PTTG1IP2: variants seen among roughly 807,000 people sequenced by gnomAD.
PTTG1IP2 encodes PTTG1IP family member 2.
rs574632578 is a variant in PTTG1IP2 at position 90,478,213 on chromosome 7, A to C, written c.146-1015A>C. Among the ~76,000 whole-genome samples, 4 of 152,308 alleles carry C rather than the reference A, an allele frequency of 2.6e-5. No homozygotes were observed. In the South Asian group the frequency reaches 6.2e-4, roughly 24 times the overall value. On this transcript the variant is annotated intron_variant, in intron 1 of 6. Coordinates refer to ENST00000509356, the MANE Select transcript of PTTG1IP2 (RefSeq NM_001365443.2). ...TGTAAATCTGAAATTATACAAAAAT[A>C]AAAACTTTAGTTTACAAAAAAGCTG...
intron 1 of PTTG1IP2, chr7:90,470,212 T>G (rs959992302): frequency 3.9e-5 from 6 of 152,222 alleles, no homozygotes; most frequent in Non-Finnish European, 5.9e-5. Context: ...CTATGACATA[T>G]AAGCTTTTTG....
At chr7:90,498,985 A>G (rs1395054392) in intron 6 of PTTG1IP2, among the ~76,000 whole-genome samples, 2 of 152,056 alleles carry the variant, frequency 1.3e-5, no homozygotes, top group Non-Finnish European at 2.9e-5. Flanking sequence ...TCAAGTATCC[A>G]AGCCTACAGA....
At chr7:90,499,112 A>G (rs1180726605) in intron 6 of PTTG1IP2, among the ~76,000 whole-genome samples, 3 of 152,196 alleles carry the variant, frequency 2.0e-5, no homozygotes, top group African/African-American at 7.2e-5. Flanking sequence ...TCAGCGTCCC[A>G]AAGTGCTGGA....
intron 6 of PTTG1IP2, among the ~76,000 whole-genome samples, chr7:90,496,038 G>A (rs1280028099): frequency 6.6e-6 from 1 of 152,174 alleles, no homozygotes; most frequent in Admixed American, 6.5e-5. Flanking sequence ...CTCTTAATGT[G>A]ATGCTGAATT....
rs181915632 is a variant in PTTG1IP2, at chr7:90,481,298, G to A, written c.192+2024G>A. ...ATGCATACACCCTCTTATTTTTAACGGCACTGGACCCACATTCCGCAACTC... is the reference window on the plus strand; with the variant it reads ...ATGCATACACCCTCTTATTTTTAACAGCACTGGACCCACATTCCGCAACTC... On this transcript the variant is annotated intron_variant, in intron 2 of 6. Transcript: ENST00000509356. Among the ~76,000 whole-genome samples the A allele has an allele frequency of 6.2e-4, 95 of 152,072 alleles. 3 individuals are homozygous for A. The highest frequency in any genetic ancestry group is 5.8e-3 in the Admixed American group (89 of 15,252).
At chr7:90,496,110 A>G (rs1339797030) in intron 6 of PTTG1IP2, among the ~76,000 whole-genome samples, 1 of 152,110 alleles carries the variant, frequency 6.6e-6, no homozygotes, top group Non-Finnish European at 1.5e-5. Flanking sequence ...TTAGCCCGCA[A>G]TTTTCTTTTC....
chr7:90,478,490 ACATCAGATCTG>A (rs1211683086), intron 1 of PTTG1IP2, among the ~76,000 whole-genome samples: 2 of 152,318 alleles, frequency 1.3e-5, no homozygotes, highest in African/African-American at 4.8e-5. Flanking sequence ...TTCCCCAGCC[ACATCAGATCTG>A]CATCCAATCA....
intron 6 of PTTG1IP2, among the ~76,000 whole-genome samples, chr7:90,497,102 T>TA (rs933379790): frequency 2.6e-5 from 4 of 152,210 alleles, no homozygotes; most frequent in Non-Finnish European, 4.4e-5. Context: ...TTTTGTGGCC[T>TA]AACATATGGT....
At chr7:90,477,049 A>T (rs1797756219) in intron 1 of PTTG1IP2, among the ~76,000 whole-genome samples, 1 of 152,218 alleles carries the variant, frequency 6.6e-6, no homozygotes, top group African/African-American at 2.4e-5. Flanking sequence ...ATGGAATAAC[A>T]ACATTTCAGA....
chr7:90,497,713 T>TAAAAAAAAAAAAA lies in PTTG1IP2; in HGVS notation c.*50+3284_*50+3285insAAAAAAAAAAAAA, dbSNP rs1491565834. Among the ~76,000 whole-genome samples the TAAAAAAAAAAAAA allele has an allele frequency of 8.1e-4, 40 of 49,598 alleles. 11 individuals carry two copies. Among genetic ancestry groups the TAAAAAAAAAAAAA allele is most frequent in the East Asian group, 3.0e-3 (4 of 1,320 alleles). 32.5% of individuals were successfully genotyped at this position (49,598 alleles called of 152,430 possible). On this transcript the variant is annotated intron_variant, in intron 6 of 6. Transcript: ENST00000509356. The stretch of plus-strand genomic sequence containing the variant: ...GCCTGAGCGACAGAGAAAGACCCTG[T>TAAAAAAAAAAAAA]ATAAAAAAAAAAAAAAAAAAAAAAA...
intron 6 of PTTG1IP2, among the ~76,000 whole-genome samples, chr7:90,505,990 C>CAAAAA (rs59521168): frequency 6.3e-4 from 49 of 77,350 alleles, no homozygotes; most frequent in East Asian, 2.9e-3. Context: ...GACTCCGTCT[C>CAAAAA]AAAAAAAAAA....
At chr7:90,479,630 T>C (rs1797793403) in intron 2 of PTTG1IP2, among the ~76,000 whole-genome samples, 1 of 152,224 alleles carries the variant, frequency 6.6e-6, no homozygotes, top group South Asian at 2.1e-4. Context: ...TTCTATTTCC[T>C]AAAGACTAGA....
intron 2 of PTTG1IP2, among the ~76,000 whole-genome samples, chr7:90,485,576 C>G (rs1272503252): frequency 6.6e-6 from 1 of 152,142 alleles, no homozygotes; most frequent in Non-Finnish European, 1.5e-5. Flanking sequence ...TATTCCAAGT[C>G]TGTAATACAT....
intron 1 of PTTG1IP2, among the ~76,000 whole-genome samples, chr7:90,477,252 T>TA (rs1470886895): frequency 6.6e-6 from 1 of 152,152 alleles, no homozygotes; most frequent in African/African-American, 2.4e-5. Context: ...GCCATGGAAA[T>TA]AGCTAGAACC....
intron 1 of PTTG1IP2, among the ~76,000 whole-genome samples, chr7:90,470,963 C>CAA (rs5885726): frequency 1.8e-5 from 2 of 108,108 alleles, no homozygotes; most frequent in African/African-American, 3.3e-5. Flanking sequence ...TGATGAAGAA[C>CAA]AAAAAAAAAA....
At chr7:90,477,780 T>G (rs1251434575) in intron 1 of PTTG1IP2, among the ~76,000 whole-genome samples, 1 of 152,052 alleles carries the variant, frequency 6.6e-6, no homozygotes, top group East Asian at 1.9e-4. Flanking sequence ...TGGTTTCGAT[T>G]AATGTACCAT....
rs571404903 is a variant in PTTG1IP2, at chr7:90,474,570, A to T, written c.145+4639A>T. ...GCAGCTTCCTGGGTGCTGATCTTAG[A>T]GCACTATAGCTGGTTGCCTCTCCAC... On this transcript the variant is annotated intron_variant, in intron 1 of 6. Coordinates refer to ENST00000509356, the MANE Select transcript of PTTG1IP2 (RefSeq NM_001365443.2). Among the ~76,000 whole-genome samples, 4 of 152,322 alleles carry T rather than the reference A, an allele frequency of 2.6e-5. No homozygotes were observed. The South Asian group carries it at 8.3e-4, about 32-fold the overall frequency.
At chr7:90,496,276 G>C (rs1436529251) in intron 6 of PTTG1IP2, among the ~76,000 whole-genome samples, 1 of 151,964 alleles carries the variant, frequency 6.6e-6, no homozygotes, top group Admixed American at 6.6e-5. Context: ...GAGATTTTGG[G>C]GTTTTCTTTT....
At chr7:90,486,176 A>G (rs1797872744) in intron 2 of PTTG1IP2, among the ~76,000 whole-genome samples, 1 of 152,104 alleles carries the variant, frequency 6.6e-6, no homozygotes, top group South Asian at 2.1e-4. Context: ...GCAAGAAGTG[A>G]TTGGGTGGGG....
Sources: gnomAD v4.1 joint callset for allele counts (sites outside exome capture counted in the v4.1 genomes callset) on GRCh38, gnomAD v4.1.1 for gene constraint, MANE v1.5 for transcripts, NCBI Gene and HGNC (gene_info 2026-07-23, HGNC 2026-07-21) for gene names.